Variants in SERPINB7 observed in about 807,000 individuals in gnomAD.
SERPINB7 encodes serpin B7.
Under a neutral mutation model 37.4 loss-of-function variants are expected in SERPINB7, and 31 were observed. That is an observed-to-expected ratio of 0.83 (90% CI 0.62 to 1.12). The LOEUF (loss-of-function observed/expected upper bound fraction) is 1.12, where lower values mean the gene tolerates loss of function less well. SERPINB7 is among the 50% of genes most tolerant of loss of function. The pLI, the probability that SERPINB7 is intolerant of heterozygous loss-of-function variation, is 0.00. For synonymous variants in SERPINB7, 163 were observed against 166.1 expected, an observed-to-expected ratio of 0.98 and a Z score of 0.14; for missense variants, 521 against 455.3, an observed-to-expected ratio of 1.14 and a Z score of -1.31.
In SERPINB7 at chr18:63,760,710, G is replaced by A. The variant is rs538232781; in HGVS notation, c.-19+7590G>A. On this transcript the variant is annotated intron_variant, in intron 1 of 7. Coordinates refer to the SERPINB7 transcript ENST00000336429. ...CCAGCTGCTCCAGCAGTGGCTGAAAGGGGCCAATGTACAGCTCGGGCTATG... is the reference window on the plus strand; with the variant it reads ...CCAGCTGCTCCAGCAGTGGCTGAAAAGGGCCAATGTACAGCTCGGGCTATG... 4.8e-4 allele frequency among the ~76,000 whole-genome samples: 73 copies of A among 152,342 alleles called. 1 individual carries two copies. Among genetic ancestry groups the A allele is most frequent in the Admixed American group, 2.5e-3 (38 of 15,302 alleles).
upstream of SERPINB7, among the ~76,000 whole-genome samples, chr18:63,775,086 A>T (rs996926286): frequency 2.6e-5 from 4 of 152,132 alleles, no homozygotes; most frequent in African/African-American, 9.7e-5. Flanking sequence ...CACTGTTGTC[A>T]CTGCTATCTT....
chr18:63,796,368 GA>G lies in SERPINB7; in HGVS notation c.443del (p.Asn148MetfsTer10). On this transcript the variant is annotated frameshift_variant, in exon 5 of 8. Coordinates refer to ENST00000398019, the MANE Select transcript of SERPINB7 (RefSeq NM_003784.4). LOFTEE classifies it high-confidence loss of function. ...TAGACGTAATATTAATAAGTGGGTT[GA>G]AAATGAAACACATGGTGAGTATTGA... ...DTRRNINKWV[E>X]NETHGKIKNV... 6.3e-7 allele frequency: 1 copy of G among 1,576,764 alleles called. No homozygotes were observed. Among genetic ancestry groups the G allele is most frequent in the Non-Finnish European group, 8.7e-7 (1 of 1,146,592 alleles).
intron 1 of SERPINB7, among the ~76,000 whole-genome samples, chr18:63,760,401 G>T (rs973520494): frequency 3.9e-5 from 6 of 152,176 alleles, no homozygotes; most frequent in Non-Finnish European, 7.3e-5. Context: ...TATAAGGGAA[G>T]CAGAGCAAAA....
rs1423849261 is a variant in SERPINB7 at position 63,804,250 on chromosome 18, T to C, written c.758T>C (p.Leu253Pro). 1.3e-6 allele frequency: 2 copies of C among 1,556,332 alleles called. No homozygotes were observed. The highest frequency in any genetic ancestry group is 1.7e-6 in the Non-Finnish European group (2 of 1,157,056). ...TTATTTTTACAGATTGAAAACAAACTGACCTTTCAGAATCTAATGGAATGG... is the reference window on the plus strand; with the variant it reads ...TTATTTTTACAGATTGAAAACAAACCGACCTTTCAGAATCTAATGGAATGG... ...ENDLSEIENK[L>P]TFQNLMEWTN... Residue 253 changes from leucine to proline, a missense_variant, in exon 8 of 8, where the codon CTG (leucine) becomes CCG (proline). Transcript: ENST00000398019.
chr18:63,796,086 T>G (rs2049484681), intron 4 of SERPINB7, among the ~76,000 whole-genome samples, 180 bp from the exon 5 acceptor site: 1 of 152,160 alleles, frequency 6.6e-6, no homozygotes, highest in African/African-American at 2.4e-5. Context: ...AAATTCAACT[T>G]CAGATACACC....
intron 1 of SERPINB7, among the ~76,000 whole-genome samples, chr18:63,754,464 C>G (rs1522720): frequency 0.96 from 146,310 of 152,264 alleles, 70,574 homozygotes; most frequent in South Asian, 1. Context: ...CACCGGTAAA[C>G]AGATAATCAT....
At chr18:63,791,802 G>T (rs558629470) in intron 2 of SERPINB7, among the ~76,000 whole-genome samples, 1 of 152,028 alleles carries the variant, frequency 6.6e-6, no homozygotes, top group East Asian at 1.9e-4. Context: ...AGTAGAGACG[G>T]GTTTTCACCG....
At chr18:63,764,831 A>G (rs980087052) in intron 1 of SERPINB7, among the ~76,000 whole-genome samples, 1 of 152,136 alleles carries the variant, frequency 6.6e-6, no homozygotes, top group African/African-American at 2.4e-5. Context: ...TCATCACCTC[A>G]TATCTAAAGA....
chr18:63,804,923 A>G lies in SERPINB7; in HGVS notation c.*288A>G, dbSNP rs2049592057. The G allele has an allele frequency of 2.7e-6, 1 of 374,200 alleles. No individual in the cohort carries two copies. The allele number at this position is 374,200 out of a possible 1,614,324, so 23.2% of individuals were successfully genotyped here. A position where few individuals can be genotyped will look rare whatever the true frequency, so the allele number is the denominator to read the frequency against. The stretch of plus-strand genomic sequence containing the variant: ...CTCCCCCATGACCCGTCTGGAAATT[A>G]TGGAGAGTGCTCAACTGGTAAGGAG... On this transcript the variant is annotated 3_prime_UTR_variant, in exon 8 of 8. Coordinates refer to ENST00000398019, the MANE Select transcript of SERPINB7 (RefSeq NM_003784.4).
chr18:63,768,037 T>A (rs1443205124), intron 1 of SERPINB7, among the ~76,000 whole-genome samples: 1 of 152,130 alleles, frequency 6.6e-6, no homozygotes, highest in Non-Finnish European at 1.5e-5. Flanking sequence ...TTCCTGATAT[T>A]GAGAATTTAT....
intron 4 of SERPINB7, among the ~76,000 whole-genome samples, chr18:63,795,860 G>A (rs1364596754): frequency 6.6e-6 from 1 of 152,160 alleles, no homozygotes; most frequent in Non-Finnish European, 1.5e-5. Flanking sequence ...TTGTCGGCAA[G>A]TTTCAAGAGC....
In SERPINB7 at chr18:63,786,140, T is replaced by TA. The variant is rs71162679; in HGVS notation, c.168+3601dup. The stretch of plus-strand genomic sequence containing the variant: ...ATGTATATATATACGTATATACATA[T>TA]ATACACACACACACACACACACACA... On this transcript the variant is annotated intron_variant, in intron 2 of 7. Coordinates refer to ENST00000398019, the MANE Select transcript of SERPINB7 (RefSeq NM_003784.4). Among the ~76,000 whole-genome samples the TA allele has an allele frequency of 5.6e-4, 65 of 115,782 alleles. 6 individuals are homozygous for TA. The highest frequency in any genetic ancestry group is 4.2e-3 in the Middle Eastern group (1 of 238). The allele number at this position is 115,782 out of a possible 152,430, so 76.0% of individuals were successfully genotyped here. A position where few individuals can be genotyped will look rare whatever the true frequency, so the allele number is the denominator to read the frequency against.
chr18:63,768,867 G>A (rs1182796898), intron 1 of SERPINB7, among the ~76,000 whole-genome samples: 1 of 151,950 alleles, frequency 6.6e-6, no homozygotes, highest in East Asian at 1.9e-4. Context: ...ATCAGATTAT[G>A]GTTTTGTTTT....
intron 5 of SERPINB7, among the ~76,000 whole-genome samples, chr18:63,797,487 C>G (rs1296539423): frequency 1.3e-5 from 2 of 152,136 alleles, no homozygotes; most frequent in Admixed American, 1.3e-4. Flanking sequence ...ATAAGGGTGT[C>G]AGATTGCTAA....
intron 4 of SERPINB7, among the ~76,000 whole-genome samples, chr18:63,793,596 C>A (rs1304129727): frequency 3.3e-5 from 5 of 152,142 alleles, no homozygotes; most frequent in African/African-American, 1.2e-4. Context: ...GAAACACATT[C>A]TGGGTTCAAG....
chr18:63,792,419 A>G lies in SERPINB7; in HGVS notation c.195A>G (p.Gly65=), dbSNP rs1253832378. 5 of 1,604,470 alleles carry G rather than the reference A, an allele frequency of 3.1e-6. No homozygotes were observed. In the East Asian group the frequency reaches 8.9e-5, roughly 29 times the overall value. Residue 65 remains glycine, a synonymous_variant, in exon 3 of 8, where the codon GGA becomes GGG. Coordinates refer to ENST00000398019, the MANE Select transcript of SERPINB7 (RefSeq NM_003784.4). Reference sequence around the variant, plus strand: ...TGCTTCATGTTAACACTGCCTCAGGATATGGAAACTCTTCTAATAGTCAGG... The same window carrying G: ...TGCTTCATGTTAACACTGCCTCAGGGTATGGAAACTCTTCTAATAGTCAGG... The part of the protein sequence containing the change: ...DKLLHVNTAS[G]YGNSSNSQSG...
chr18:63,793,827 T>C (rs1285920002), intron 4 of SERPINB7, among the ~76,000 whole-genome samples: 1 of 152,002 alleles, frequency 6.6e-6, no homozygotes, highest in Non-Finnish European at 1.5e-5. Flanking sequence ...GTCACTTAAG[T>C]TTTATGTATT....
chr18:63,765,983 C>T (rs1000519757), intron 1 of SERPINB7, among the ~76,000 whole-genome samples: 1 of 152,032 alleles, frequency 6.6e-6, no homozygotes, highest in Non-Finnish European at 1.5e-5. Flanking sequence ...CTCTGTAATA[C>T]CTTTGTTCTT....
upstream of SERPINB7, among the ~76,000 whole-genome samples, chr18:63,771,909 C>CAAAAAGGAAAA (rs2049213457): frequency 1.4e-5 from 2 of 146,958 alleles, no homozygotes; most frequent in South Asian, 4.3e-4. Context: ...CTTCATGGTT[C>CAAAAAGGAAAA]AAAAAGGAAA....
Sources: allele counts gnomAD v4.1 joint callset (sites outside exome capture counted in the v4.1 genomes callset), GRCh38; gene constraint gnomAD v4.1.1; transcripts MANE v1.5; gene names NCBI Gene and HGNC (gene_info 2026-07-23, HGNC 2026-07-21).